The following CUEDC1 variants were observed in gnomAD, a reference collection of about 807,000 sequenced individuals.
CUEDC1 encodes the protein CUE domain-containing protein 1.
CUEDC1 carries 30 observed loss-of-function variants against 43.7 expected under a neutral mutation model. The observed-to-expected ratio is 0.69, with a 90% CI of 0.51 to 0.93. The LOEUF is 0.93. Ranked by LOEUF, CUEDC1 falls within the 40% of genes least tolerant of loss-of-function variation. The pLI, the probability that CUEDC1 is intolerant of heterozygous loss-of-function variation, is 0.00. For missense variants in CUEDC1, 486 were observed against 549.0 expected (o/e 0.89, Z 1.15); for synonymous variants, 223 against 223.6 (o/e 1.00, Z 0.02).
intron 3 of CUEDC1, among the ~76,000 whole-genome samples, chr17:57,874,119 C>T (rs1248524042): frequency 6.6e-6 from 1 of 152,194 alleles, no homozygotes; most frequent in Non-Finnish European, 1.5e-5. Flanking sequence ...CAGGTATGGT[C>T]CAAAGGAACA....
intron 6 of CUEDC1, among the ~76,000 whole-genome samples, chr17:57,870,602 A>AT (rs2074020211): frequency 6.6e-6 from 1 of 151,976 alleles, no homozygotes; most frequent in African/African-American, 2.4e-5. Context: ...TTACAAGACC[A>AT]TAAGCTTCCC....
In CUEDC1 at chr17:57,885,497, C is replaced by A; in HGVS notation, c.68G>T (p.Gly23Val). 1 of 1,500,006 alleles carries A rather than the reference C, an allele frequency of 6.7e-7. No homozygotes were observed. Among genetic ancestry groups the A allele is most frequent in the Non-Finnish European group, 8.8e-7 (1 of 1,131,422 alleles). The allele number at this position is 1,500,006 out of a possible 1,614,324, so 92.9% of individuals were successfully genotyped here. The part of the protein sequence containing the change: ...GGGGTAGARG[G>V]GGGTAAPQEL... The stretch of plus-strand genomic sequence containing the variant: ...CTGGGGGGCGGCCGTGCCTCCCCCG[C>A]CCCCGCGTGCCCCGGCGGTGCCACC... The change falls in exon 2 of 11, where the codon GGC (glycine) becomes GTC (valine). Residue 23 changes from glycine to valine, a missense_variant. Gly to Val is a moderately radical substitution (Grantham distance 109). Transcript: ENST00000577830.
At chr17:57,947,811 A>G (rs2074972619) in intron 1 of CUEDC1, among the ~76,000 whole-genome samples, 1 of 152,194 alleles carries the variant, frequency 6.6e-6, no homozygotes, top group South Asian at 2.1e-4. Context: ...TCATAAATAA[A>G]TAAATAATAA....
chr17:57,920,510 G>A (rs2074687805), intron 1 of CUEDC1, among the ~76,000 whole-genome samples: 2 of 152,262 alleles, frequency 1.3e-5, no homozygotes, highest in South Asian at 4.1e-4. Flanking sequence ...TTTTAGAAAA[G>A]GGCTAGGAGG....
chr17:57,947,644 C>T (rs2074971232), intron 1 of CUEDC1, among the ~76,000 whole-genome samples: 1 of 151,752 alleles, frequency 6.6e-6, no homozygotes, highest in African/African-American at 2.4e-5. Context: ...ACTAAAAACA[C>T]AAAAAAATTA....
chr17:57,950,872 A>G (rs1211534220), intron 1 of CUEDC1, among the ~76,000 whole-genome samples: 1 of 152,160 alleles, frequency 6.6e-6, no homozygotes, highest in Non-Finnish European at 1.5e-5. Flanking sequence ...CAATGTTAGT[A>G]TTAACTTTAT....
At chr17:57,900,909 C>T (rs2145003899) in intron 1 of CUEDC1, among the ~76,000 whole-genome samples, 1 of 152,332 alleles carries the variant, frequency 6.6e-6, no homozygotes, top group Middle Eastern at 3.4e-3. Context: ...GTTCTTTGCA[C>T]TATAGCAGGT....
chr17:57,946,995 T>C (rs533504843), intron 1 of CUEDC1, among the ~76,000 whole-genome samples: 1 of 152,150 alleles, frequency 6.6e-6, no homozygotes, highest in African/African-American at 2.4e-5. Flanking sequence ...TGGAGCTCAC[T>C]AGCTCTCTCC....
In CUEDC1 at chr17:57,885,321, C is replaced by T. The variant is rs745336833; in HGVS notation, c.244G>A (p.Asp82Asn). Reference sequence around the variant, plus strand: ...TCCAGGTTCATCTGCAGCAGCTGGTCGATGGTGGCGTCCACAGCGCCGCTG... The same window carrying T: ...TCCAGGTTCATCTGCAGCAGCTGGTTGATGGTGGCGTCCACAGCGCCGCTG... ...ANSGAVDATI[D>N]QLLQMNLEGG... Residue 82 changes from aspartate (D) to asparagine (N), a missense_variant, in exon 2 of 11, where the codon GAC becomes AAC. Transcript: ENST00000577830. 3 of 1,611,062 alleles carry T rather than the reference C, an allele frequency of 1.9e-6. No homozygotes were observed. The highest frequency in any genetic ancestry group is 2.2e-5 in the South Asian group (2 of 90,398).
At chr17:57,939,887 G>T (rs2074901024) in intron 1 of CUEDC1, among the ~76,000 whole-genome samples, 1 of 152,122 alleles carries the variant, frequency 6.6e-6, no homozygotes, top group Non-Finnish European at 1.5e-5. Flanking sequence ...TCCTGCAGGT[G>T]CACCATGCAG....
At chr17:57,915,543 G>A (rs1264354712) in intron 1 of CUEDC1, among the ~76,000 whole-genome samples, 1 of 152,180 alleles carries the variant, frequency 6.6e-6, no homozygotes, top group South Asian at 2.1e-4. Context: ...ATGTGGCTAC[G>A]TTAAAGTTAG....
intron 1 of CUEDC1, among the ~76,000 whole-genome samples, chr17:57,900,841 C>T (rs895949579): frequency 6.6e-6 from 1 of 152,228 alleles, no homozygotes; most frequent in African/African-American, 2.4e-5. Context: ...CTGCTCACTG[C>T]TACTGATGAG....
At chr17:57,948,416 CA>C (rs1281184726) in intron 1 of CUEDC1, among the ~76,000 whole-genome samples, 2 of 152,136 alleles carry the variant, frequency 1.3e-5, no homozygotes, top group Non-Finnish European at 2.9e-5. Flanking sequence ...GGGCCAGGGT[CA>C]CCTGGCCCAG....
intron 1 of CUEDC1, among the ~76,000 whole-genome samples, chr17:57,936,849 T>C (rs2074867054): frequency 1.3e-5 from 2 of 150,370 alleles, no homozygotes; most frequent in South Asian, 4.2e-4. Flanking sequence ...TGAAACGGTG[T>C]CTCGCTGTAT....
At chr17:57,929,048 A>G (rs2074777750) in intron 1 of CUEDC1, among the ~76,000 whole-genome samples, 3 of 152,304 alleles carry the variant, frequency 2.0e-5, no homozygotes, top group South Asian at 4.1e-4. Context: ...CCACAGTTTT[A>G]AAGGCCACCG....
At chr17:57,915,892 A>C (rs1416166085) in intron 1 of CUEDC1, among the ~76,000 whole-genome samples, 1 of 152,218 alleles carries the variant, frequency 6.6e-6, no homozygotes, top group Non-Finnish European at 1.5e-5. Context: ...CCCAAGCTGA[A>C]GGTTTCATTT....
chr17:57,910,527 C>T (rs546700852), intron 1 of CUEDC1, among the ~76,000 whole-genome samples: 6 of 151,582 alleles, frequency 4.0e-5, no homozygotes, highest in East Asian at 1.9e-4. Flanking sequence ...TTTGGGAGGC[C>T]GGGGCAGGAG....
intron 1 of CUEDC1, among the ~76,000 whole-genome samples, chr17:57,922,877 CTCTT>C (rs1477654931): frequency 1.2e-3 from 171 of 142,390 alleles, no homozygotes; most frequent in Middle Eastern, 7.0e-3. Context: ...TTCTCCCTCT[CTCTT>C]TTTTTTTTTT....
chr17:57,949,136 C>A (rs1488834374), intron 1 of CUEDC1, among the ~76,000 whole-genome samples: 2 of 152,228 alleles, frequency 1.3e-5, no homozygotes, highest in Admixed American at 6.5e-5. Context: ...CAGGAGGCAG[C>A]AGCCACTTTA....
Sources: allele counts gnomAD v4.1 joint callset (sites outside exome capture counted in the v4.1 genomes callset), GRCh38; gene constraint gnomAD v4.1.1; transcripts MANE v1.5; gene names NCBI Gene and HGNC (gene_info 2026-07-23, HGNC 2026-07-21).